Variants in AUTS2 observed in about 807,000 individuals in gnomAD.
AUTS2 encodes the protein autism susceptibility gene 2 protein.
AUTS2 carries 17 observed loss-of-function variants against 112.4 expected under a neutral mutation model. The ratio of observed to expected loss-of-function variants is 0.15; its 90% CI spans 0.10 to 0.23. The LOEUF (loss-of-function observed/expected upper bound fraction) is 0.23, where lower values mean the gene tolerates loss of function less well. Among genes scored for constraint, AUTS2 ranks in the 10% least tolerant of loss-of-function variants. The probability of loss-of-function intolerance (pLI) is 1.00; values close to 1 mark genes in which losing one functional copy is unlikely to be tolerated. For synonymous variants in AUTS2, 751 were observed against 702.7 expected, an observed-to-expected ratio of 1.07 and a Z score of -1.09; for missense variants, 1,510 against 1,701.6, an observed-to-expected ratio of 0.89 and a Z score of 1.98.
intron 1 of AUTS2, among the ~76,000 whole-genome samples, chr7:69,822,234 A>G (rs1436167923): frequency 1.3e-5 from 2 of 152,208 alleles, no homozygotes; most frequent in African/African-American, 4.8e-5. Context: ...TATGCCTGTC[A>G]TTGGTAGAGC....
At chr7:70,500,942 C>T (rs992768634) in intron 5 of AUTS2, among the ~76,000 whole-genome samples, 7 of 151,932 alleles carry the variant, frequency 4.6e-5, no homozygotes, top group Admixed American at 1.3e-4. Context: ...AGGCTGGTCT[C>T]GAACTCCTGA....
chr7:70,046,230 A>G (rs1197944774), intron 2 of AUTS2, among the ~76,000 whole-genome samples: 1 of 152,130 alleles, frequency 6.6e-6, no homozygotes, highest in Non-Finnish European at 1.5e-5. Flanking sequence ...GGTTAAGAGC[A>G]TGAACTCTAG....
intron 4 of AUTS2, among the ~76,000 whole-genome samples, chr7:70,261,189 T>G (rs1233965116): frequency 6.6e-6 from 1 of 152,236 alleles, no homozygotes; most frequent in Non-Finnish European, 1.5e-5. Context: ...TGGATGAATT[T>G]CAGAAACATT....
chr7:70,402,812 C>T (rs575846564), intron 4 of AUTS2, among the ~76,000 whole-genome samples: 1 of 152,106 alleles, frequency 6.6e-6, no homozygotes, highest in African/African-American at 2.4e-5. Context: ...ACCATTACAG[C>T]GCTTGGCATG....
intron 1 of AUTS2, among the ~76,000 whole-genome samples, chr7:69,774,857 C>T (rs1788825339): frequency 6.6e-6 from 1 of 151,898 alleles, no homozygotes; most frequent in African/African-American, 2.4e-5. Flanking sequence ...TAATTAATGC[C>T]CCAGGTGGTT....
intron 5 of AUTS2, among the ~76,000 whole-genome samples, chr7:70,695,722 C>A (rs1041843102): frequency 6.7e-6 from 1 of 149,446 alleles, no homozygotes; most frequent in Admixed American, 6.7e-5. Context: ...GTTTCACTTA[C>A]TTAACTTTCC....
chr7:69,719,022 A>G (rs547348453), intron 1 of AUTS2, among the ~76,000 whole-genome samples: 2 of 152,164 alleles, frequency 1.3e-5, no homozygotes, highest in African/African-American at 2.4e-5. Flanking sequence ...TTGCACACAC[A>G]TTGTTACATC....
chr7:70,407,698 T>C (rs1312703758), intron 4 of AUTS2, among the ~76,000 whole-genome samples: 1 of 151,700 alleles, frequency 6.6e-6, no homozygotes, highest in Non-Finnish European at 1.5e-5. Flanking sequence ...GTAGGAGGAT[T>C]GCTTGAGCCC....
chr7:69,862,492 G>GT (rs1272968593), intron 1 of AUTS2, among the ~76,000 whole-genome samples: 2 of 152,238 alleles, frequency 1.3e-5, no homozygotes, highest in African/African-American at 4.8e-5. Context: ...AGACACAAAG[G>GT]TAAGTGTCCC....
Position 70,646,224 on chromosome 7 carries a change from C to G in AUTS2, c.691-52345C>G, listed in dbSNP as rs574126179. Among the ~76,000 whole-genome samples the G allele has an allele frequency of 2.6e-5, 4 of 152,338 alleles. No individual in the cohort carries two copies. The East Asian group carries it at 7.7e-4, about 29-fold the overall frequency. ...CCTGCCTGATCAATTTGTCATCCCT[C>G]TAAATGGAAACTAATTACTTCCCAG... On this transcript the variant is annotated intron_variant, in intron 5 of 18. Transcript: ENST00000342771.
chr7:69,637,713 A>G (rs1049645698), intron 1 of AUTS2, among the ~76,000 whole-genome samples: 41 of 152,248 alleles, frequency 2.7e-4, no homozygotes, highest in Admixed American at 2.2e-3. Context: ...TGGTTTTGCT[A>G]AGTATATGAA....
At chr7:70,473,712 C>CG (rs1052604959) in intron 5 of AUTS2, among the ~76,000 whole-genome samples, 11 of 130,590 alleles carry the variant, frequency 8.4e-5, no homozygotes, top group Non-Finnish European at 1.5e-4. Flanking sequence ...TTTGGTGGGG[C>CG]TTTTTTTTTT....
At chr7:70,470,539 G>A (rs745309694) in intron 5 of AUTS2, among the ~76,000 whole-genome samples, 13 of 152,144 alleles carry the variant, frequency 8.5e-5, no homozygotes, top group African/African-American at 1.9e-4. Context: ...TAGAGTCAAC[G>A]CTATCTAAAC....
chr7:70,785,812 C>T (rs1791419847), intron 16 of AUTS2, 143 bp from the exon 17 acceptor site: 3 of 684,588 alleles, frequency 4.4e-6, no homozygotes, highest in African/African-American at 3.6e-5. Flanking sequence ...AAACCTTTTA[C>T]ACCATCTGGT....
chr7:70,774,076 A>G lies in AUTS2; in HGVS notation c.1879A>G (p.Thr627Ala), dbSNP rs1790534035. 2 of 1,614,154 alleles carry G rather than the reference A, an allele frequency of 1.2e-6. No homozygotes were observed. Among genetic ancestry groups the G allele is most frequent in the Non-Finnish European group, 1.7e-6 (2 of 1,180,016 alleles). Residue 627 changes from threonine to alanine, a missense_variant, in exon 12 of 19, where the codon ACT becomes GCT. Physicochemically the swap from Thr to Ala is moderately conservative, Grantham distance 58 (BLOSUM62 0). Coordinates refer to ENST00000342771, the MANE Select transcript of AUTS2 (RefSeq NM_015570.4). ...VAARPGTVPH[T>A]LLQKDPRLTD... ...TGCTCGGCCTGGGACAGTCCCACACACTTTACTCCAAAAGGACCCGAGGGT... is the reference window on the plus strand; with the variant it reads ...TGCTCGGCCTGGGACAGTCCCACACGCTTTACTCCAAAAGGACCCGAGGGT...
chr7:70,267,882 C>G (rs1787511344), intron 4 of AUTS2, among the ~76,000 whole-genome samples: 1 of 152,210 alleles, frequency 6.6e-6, no homozygotes, highest in Non-Finnish European at 1.5e-5. Flanking sequence ...CCTACACTTG[C>G]AACATGCAGA....
chr7:69,949,161 C>T (rs947170065), intron 2 of AUTS2, among the ~76,000 whole-genome samples: 1 of 152,050 alleles, frequency 6.6e-6, no homozygotes, highest in Non-Finnish European at 1.5e-5. Context: ...ACTTATCTAC[C>T]ATTAGAACAT....
At chr7:69,917,865 C>T (rs983625373) in intron 2 of AUTS2, among the ~76,000 whole-genome samples, 5 of 145,838 alleles carry the variant, frequency 3.4e-5, no homozygotes, top group African/African-American at 8.0e-5. Flanking sequence ...GTTGTTGCGA[C>T]GGAGTCTCGC....
chr7:70,179,277 A>G (rs1809170640), intron 4 of AUTS2, among the ~76,000 whole-genome samples: 2 of 152,150 alleles, frequency 1.3e-5, no homozygotes, highest in African/African-American at 4.8e-5. Context: ...AGAAATGTAA[A>G]TCTTTTCCTT....
Sources: gnomAD v4.1 joint callset for allele counts (sites outside exome capture counted in the v4.1 genomes callset) on GRCh38, gnomAD v4.1.1 for gene constraint, MANE v1.5 for transcripts, NCBI Gene and HGNC (gene_info 2026-07-23, HGNC 2026-07-21) for gene names.